The following PCCB variants were observed in gnomAD, a reference collection of about 807,000 sequenced individuals.
PCCB encodes propionyl-CoA carboxylase subunit beta.
In PCCB, 43 loss-of-function variants were observed where a neutral mutation model predicts 60.7. That is an observed-to-expected ratio of 0.71 (90% CI 0.55 to 0.91). The LOEUF is 0.91. Among genes scored for constraint, PCCB ranks in the 40% least tolerant of loss-of-function variants. PCCB has a pLI of 0.00. For missense variants in PCCB, 766 were observed against 702.8 expected (o/e 1.09, Z -1.02); for synonymous variants, 276 against 255.9 (o/e 1.08, Z -0.75).
intron 6 of PCCB, among the ~76,000 whole-genome samples, chr3:136,292,862 G>A (rs1012162508): frequency 6.6e-5 from 10 of 152,114 alleles, no homozygotes; most frequent in Non-Finnish European, 1.5e-4. Context: ...GCGAATTGGA[G>A]GCCTGGAAGT....
intron 1 of PCCB, among the ~76,000 whole-genome samples, chr3:136,253,974 A>G (rs1371380853): frequency 6.6e-6 from 1 of 151,852 alleles, no homozygotes; most frequent in Non-Finnish European, 1.5e-5. Context: ...AAAAATCTGT[A>G]TATATGTTGC....
intron 9 of PCCB, among the ~76,000 whole-genome samples, chr3:136,303,734 G>A (rs1298048229): frequency 8.2e-6 from 1 of 121,504 alleles, no homozygotes; most frequent in Non-Finnish European, 1.8e-5. Flanking sequence ...CTCCCAAGTA[G>A]CTGGGATTAC....
At chr3:136,261,918 T>C (rs1376419267) in intron 4 of PCCB, 34 bp from the exon 5 acceptor site, 4 of 1,362,194 alleles carry the variant, frequency 2.9e-6, no homozygotes, top group Admixed American at 3.9e-5. Context: ...ATCAAGAACA[T>C]TTGTCTCAAT....
intron 1 of PCCB, among the ~76,000 whole-genome samples, chr3:136,253,086 T>TTG (rs1553773556): frequency 2.6e-5 from 3 of 116,066 alleles, no homozygotes; most frequent in Admixed American, 1.7e-4. Context: ...ATGGAGGTTT[T>TTG]TTTTTTTTTT....
Position 136,283,961 on chromosome 3 carries a change from G to GCA in PCCB, c.654+15_654+16insAC. ...TTCATGGTAAAGGTAAGAAAGAAGG[G>GCA]CCTGTTTTTGGTGCCGTTTGAGATT... On this transcript the variant is annotated intron_variant, in intron 6 of 14. Transcript: ENST00000251654. 1 of 1,530,830 alleles carries GCA rather than the reference G, an allele frequency of 6.5e-7. No individual in the cohort carries two copies. The allele number at this position is 1,530,830 out of a possible 1,614,324, so 94.8% of individuals were successfully genotyped here.
chr3:136,286,031 A>T (rs1340987517), intron 6 of PCCB, among the ~76,000 whole-genome samples: 1 of 152,228 alleles, frequency 6.6e-6, no homozygotes, highest in African/African-American at 2.4e-5. Flanking sequence ...AAGTAGTGTA[A>T]TGAGGAGTTA....
At chr3:136,309,677 A>G (rs570040733) in intron 9 of PCCB, among the ~76,000 whole-genome samples, 18 of 152,098 alleles carry the variant, frequency 1.2e-4, no homozygotes, top group African/African-American at 4.1e-4. Flanking sequence ...GCATGCACCT[A>G]TAGTCCCAGC....
At chr3:136,295,268 G>A (rs1303662979) in intron 7 of PCCB, among the ~76,000 whole-genome samples, 1 of 152,186 alleles carries the variant, frequency 6.6e-6, no homozygotes, top group Non-Finnish European at 1.5e-5. Flanking sequence ...GCATTTAATT[G>A]TCAGCATTTC....
At chr3:136,283,802 T>G (rs777123470) in intron 5 of PCCB, 35 bp from the exon 6 acceptor site, 1 of 1,385,888 alleles carries the variant, frequency 7.2e-7, no homozygotes, top group Admixed American at 1.7e-5. Context: ...CAAACATCTC[T>G]GTAACCAGAT....
Position 136,256,622 on chromosome 3 carries a change from A to C in PCCB, c.371A>C (p.Gln124Pro). 1 of 1,604,716 alleles carries C rather than the reference A, an allele frequency of 6.2e-7. No individual in the cohort carries two copies. Among genetic ancestry groups the C allele is most frequent in the Non-Finnish European group, 8.5e-7 (1 of 1,171,398 alleles). ...GGAAGATTGGTTTATGTCTTCAGTCAGGTATTTCATAACTCCAATAGTCTG... is the reference window on the plus strand; with the variant it reads ...GGAAGATTGGTTTATGTCTTCAGTCCGGTATTTCATAACTCCAATAGTCTG... Reference protein sequence around the residue: ...INGRLVYVFSQDFTVFGGSLS... With the variant: ...INGRLVYVFSPDFTVFGGSLS... The change falls in exon 3 of 15, where the codon CAG becomes CCG. Residue 124 changes from glutamine to proline, a missense_variant and splice_region_variant. Physicochemically the swap from Gln to Pro is moderately conservative, Grantham distance 76. Coordinates refer to ENST00000251654, the MANE Select transcript of PCCB (RefSeq NM_000532.5).
intron 8 of PCCB, among the ~76,000 whole-genome samples, chr3:136,298,628 G>T (rs957656158): frequency 1.3e-5 from 2 of 152,188 alleles, no homozygotes; most frequent in Non-Finnish European, 2.9e-5. Context: ...GACAGTCCTG[G>T]GGAAGGGTGT....
At chr3:136,280,933 T>C (rs554264148) in intron 5 of PCCB, among the ~76,000 whole-genome samples, 2 of 152,324 alleles carry the variant, frequency 1.3e-5, no homozygotes, top group East Asian at 3.9e-4. Flanking sequence ...GGATTACAGG[T>C]GTGAGCCAGC....
chr3:136,269,779 G>C (rs886263997), intron 5 of PCCB, among the ~76,000 whole-genome samples: 1 of 151,640 alleles, frequency 6.6e-6, no homozygotes, highest in Non-Finnish European at 1.5e-5. Flanking sequence ...CCAGCTACTC[G>C]GGAGGCTGAG....
chr3:136,317,441 C>T (rs574518826), intron 10 of PCCB, among the ~76,000 whole-genome samples: 2 of 151,694 alleles, frequency 1.3e-5, no homozygotes, highest in South Asian at 2.1e-4. Flanking sequence ...GTTGCCTGTG[C>T]TGGTTTTGAA....
At chr3:136,266,734 G>A (rs1941993322) in intron 5 of PCCB, among the ~76,000 whole-genome samples, 1 of 152,106 alleles carries the variant, frequency 6.6e-6, no homozygotes, top group South Asian at 2.1e-4. Flanking sequence ...TGTCTATTCA[G>A]ATCTTTTGTC....
intron 5 of PCCB, among the ~76,000 whole-genome samples, chr3:136,280,006 C>T (rs1339973487): frequency 6.6e-6 from 1 of 152,326 alleles, no homozygotes; most frequent in East Asian, 1.9e-4. Flanking sequence ...TGTGCAGACT[C>T]CTCTGCTGGG....
At chr3:136,310,636 C>T (rs762932541) in intron 9 of PCCB, among the ~76,000 whole-genome samples, 2 of 152,140 alleles carry the variant, frequency 1.3e-5, no homozygotes, top group African/African-American at 2.4e-5. Context: ...AAACAAAACA[C>T]ACAAGAACCT....
At chr3:136,325,514 G>A (rs1441070352) in intron 10 of PCCB, among the ~76,000 whole-genome samples, 2 of 151,440 alleles carry the variant, frequency 1.3e-5, no homozygotes, top group Admixed American at 6.6e-5. Context: ...CTGCAACCAC[G>A]CCTGGCTAAT....
At chr3:136,268,084 G>GTGTATA (rs1560002278) in intron 5 of PCCB, among the ~76,000 whole-genome samples, 1 of 60,948 alleles carries the variant, frequency 1.6e-5, no homozygotes, top group Non-Finnish European at 3.3e-5. Context: ...GTGTGTGTGT[G>GTGTATA]TAGATATATA....
Sources: allele counts gnomAD v4.1 joint callset (sites outside exome capture counted in the v4.1 genomes callset), GRCh38; gene constraint gnomAD v4.1.1; transcripts MANE v1.5; gene names NCBI Gene and HGNC (gene_info 2026-07-23, HGNC 2026-07-21).